The following WNT5A variants were observed in gnomAD, a reference collection of about 807,000 sequenced individuals.
WNT5A encodes Wnt family member 5A.
WNT5A carries 9 observed loss-of-function variants against 42.1 expected under a neutral mutation model. The ratio of observed to expected loss-of-function variants is 0.21; its 90% CI spans 0.13 to 0.37. The LOEUF (loss-of-function observed/expected upper bound fraction) is 0.37, where lower values mean the gene tolerates loss of function less well. Among genes scored for constraint, WNT5A ranks in the 10% least tolerant of loss-of-function variants. The pLI, the probability that WNT5A is intolerant of heterozygous loss-of-function variation, is 1.00. For missense variants in WNT5A, 426 were observed against 534.0 expected, an observed-to-expected ratio of 0.80 and a Z score of 1.99; for synonymous variants, 210 against 210.0, an observed-to-expected ratio of 1.00 and a Z score of 0.00.
At chr3:55,484,050 G>C (rs956896916) in intron 1 of WNT5A, among the ~76,000 whole-genome samples, 2 of 152,136 alleles carry the variant, frequency 1.3e-5, no homozygotes, top group African/African-American at 4.8e-5. Context: ...ATCCCCTTCT[G>C]CTAGACTCTC....
rs779450371 is a variant in WNT5A, at chr3:55,474,312, G to A, written c.684+25C>T. On this transcript the variant is annotated intron_variant, in intron 4 of 4. Transcript: ENST00000264634. ...GCAAGGTGAGAAGACAGAGATGCGG[G>A]GCGGGGGCGAGACGCGGCACTCACC... 4.3e-6 allele frequency: 7 copies of A among 1,612,024 alleles called. No individual in the cohort carries two copies. In the South Asian group the frequency reaches 7.7e-5, roughly 18 times the overall value.
chr3:55,477,203 C>T (rs961768469), intron 3 of WNT5A, among the ~76,000 whole-genome samples: 3 of 152,178 alleles, frequency 2.0e-5, no homozygotes, highest in Non-Finnish European at 1.5e-5. Context: ...AGCTCATTCT[C>T]TTCAAATACA....
chr3:55,482,018 C>G (rs888476223), intron 1 of WNT5A, among the ~76,000 whole-genome samples: 5 of 152,240 alleles, frequency 3.3e-5, no homozygotes, highest in African/African-American at 7.2e-5. Flanking sequence ...GCACTGCGAG[C>G]CTGTCGTTGG....
chr3:55,479,792 T>C (rs1053873634), intron 2 of WNT5A, among the ~76,000 whole-genome samples: 1 of 152,142 alleles, frequency 6.6e-6, no homozygotes, highest in African/African-American at 2.4e-5. Flanking sequence ...CCTCAGTTAG[T>C]ATTTTCACTC....
chr3:55,483,510 C>T lies in WNT5A; in HGVS notation c.7-2592G>A, dbSNP rs1340034502. 6.6e-6 allele frequency among the ~76,000 whole-genome samples: 1 copy of T among 152,196 alleles called. No individual in the cohort carries two copies. Among genetic ancestry groups the T allele is most frequent in the Non-Finnish European group, 1.5e-5 (1 of 68,028 alleles). On this transcript the variant is annotated intron_variant, in intron 1 of 4. Transcript: ENST00000264634. The surrounding 1 kb of genome is among the most constrained non-coding windows in gnomAD (Gnocchi z 4.2). Reference sequence around the variant, plus strand: ...ATGAGACCTCTGGGGAGACTGTCAACCCCAGGGGTAAAACAAAAATTCTGA... The same window carrying T: ...ATGAGACCTCTGGGGAGACTGTCAATCCCAGGGGTAAAACAAAAATTCTGA...
intron 3 of WNT5A, among the ~76,000 whole-genome samples, chr3:55,476,122 A>G (rs940635145): frequency 6.6e-6 from 1 of 152,234 alleles, no homozygotes; most frequent in African/African-American, 2.4e-5. Context: ...AGCTGACAAC[A>G]GGACTCAGTC....
At chr3:55,482,995 G>T (rs544021319) in intron 1 of WNT5A, among the ~76,000 whole-genome samples, 1 of 152,230 alleles carries the variant, frequency 6.6e-6, no homozygotes, top group African/African-American at 2.4e-5. Flanking sequence ...TGCTGGCCGC[G>T]TGCACTTTCC....
Position 55,470,211 on chromosome 3 carries a change from G to A in WNT5A, c.1024C>T (p.Arg342Cys). 1 of 1,614,036 alleles carries A rather than the reference G, an allele frequency of 6.2e-7. No individual in the cohort carries two copies. Among genetic ancestry groups the A allele is most frequent in the Non-Finnish European group, 8.5e-7 (1 of 1,179,948 alleles). The part of the protein sequence containing the change: ...MDGCELMCCG[R>C]GYDQFKTVQT... ...ACGGTCTTGAACTGGTCGTAGCCAC[G>A]GCCGCAGCACATGAGCTCGCAGCCA... is the stretch of plus-strand genomic sequence containing the variant. The change falls in exon 5 of 5, where the codon CGT (arginine) becomes TGT (cysteine). Residue 342 changes from arginine (R) to cysteine (C), a missense_variant. This residue lies in a region of WNT5A where 358 missense variants were observed against 468.1 expected (regional missense o/e 0.76). Coordinates refer to ENST00000264634, the MANE Select transcript of WNT5A (RefSeq NM_003392.7).
At chr3:55,472,542 C>G (rs1278002491) in intron 4 of WNT5A, among the ~76,000 whole-genome samples, 1 of 151,944 alleles carries the variant, frequency 6.6e-6, no homozygotes, top group African/African-American at 2.4e-5. Flanking sequence ...CTGACCCCAC[C>G]CCCCCCAAAT....
chr3:55,479,730 A>G (rs565875967), intron 2 of WNT5A, among the ~76,000 whole-genome samples, 166 bp from the exon 3 acceptor site: 1 of 152,244 alleles, frequency 6.6e-6, no homozygotes, highest in East Asian at 1.9e-4. Context: ...CTCTGTTTAA[A>G]CTGCACTCAG....
At position 55,467,153 on chromosome 3, in the gene WNT5A, C is replaced by A. The variant is rs1369099797; in HGVS notation, c.*2939G>T. 6.6e-6 allele frequency: 1 copy of A among 152,168 alleles called. No homozygotes were observed. The highest frequency in any genetic ancestry group is 2.4e-5 in the African/African-American group (1 of 41,408). The allele number at this position is 152,168 out of a possible 1,614,324, so 9.4% of individuals were successfully genotyped here. A position where few individuals can be genotyped will look rare whatever the true frequency, so the allele number is the denominator to read the frequency against. On this transcript the variant is annotated 3_prime_UTR_variant, in exon 5 of 5. Transcript: ENST00000264634. ...CACCACACATGGTCCACAGTAAATT[C>A]AAATAGAGAGGTGCAATAGTTGCAG...
rs2051499798 is a variant in WNT5A, at chr3:55,483,025, G to A, written c.7-2107C>T. Among the ~76,000 whole-genome samples, 1 of 152,244 alleles carries A rather than the reference G, an allele frequency of 6.6e-6. No homozygotes were observed. Among genetic ancestry groups the A allele is most frequent in the African/African-American group, 2.4e-5 (1 of 41,474 alleles). On this transcript the variant is annotated intron_variant, in intron 1 of 4. Coordinates refer to ENST00000264634, the MANE Select transcript of WNT5A (RefSeq NM_003392.7). The surrounding 1 kb of genome is among the most constrained non-coding windows in gnomAD (Gnocchi z 4.2). The stretch of plus-strand genomic sequence containing the variant: ...CTTTCCAAGCTTCGCGGCGAGCGGG[G>A]CGCGTGGGGCGGGGCTCAAGCAGCA...
At chr3:55,490,787 T>G (rs1192327290), upstream of WNT5A, among the ~76,000 whole-genome samples, 4 of 152,354 alleles carry the variant, frequency 2.6e-5, no homozygotes, top group East Asian at 1.9e-4. Context: ...CTAGGAATAC[T>G]CTTCACTGAA....
In WNT5A at chr3:55,469,367, G is replaced by A. The variant is rs1239857820; in HGVS notation, c.*725C>T. ...GCTTCAAATCAACATCTTGACATAA[G>A]AGTTTTAAATTTTTTAATTTCTGGG... On this transcript the variant is annotated 3_prime_UTR_variant, in exon 5 of 5. Transcript: ENST00000264634. 2.6e-5 allele frequency: 4 copies of A among 152,150 alleles called. No homozygotes were observed. The highest frequency in any genetic ancestry group is 7.2e-5 in the African/African-American group (3 of 41,440). The allele number at this position is 152,150 out of a possible 1,614,324, so 9.4% of individuals were successfully genotyped here.
At chr3:55,489,480 A>T (rs1036585924), upstream of WNT5A, among the ~76,000 whole-genome samples, 13 of 150,402 alleles carry the variant, frequency 8.6e-5, no homozygotes, top group African/African-American at 3.2e-4. Flanking sequence ...GGCTCCAGCG[A>T]TGCCGTTCCA....
intron 1 of WNT5A, among the ~76,000 whole-genome samples, chr3:55,481,830 TC>T (rs965542525): frequency 6.6e-5 from 10 of 151,878 alleles, no homozygotes; most frequent in Non-Finnish European, 1.5e-4. Context: ...GGGTCTCGCT[TC>T]CCCGGGGAGA....
At chr3:55,479,586 A>T in intron 2 of WNT5A, 22 bp from the exon 3 acceptor site, 3 of 1,553,690 alleles carry the variant, frequency 1.9e-6, no homozygotes, top group Non-Finnish European at 8.7e-7. Flanking sequence ...GGAGATGTGC[A>T]TTCAAGATTT....
the WNT5A span, among the ~76,000 whole-genome samples, chr3:55,496,618 T>TC: frequency 6.6e-6 from 1 of 152,152 alleles, no homozygotes; most frequent in Non-Finnish European, 1.5e-5. Context: ...AGCATGATCC[T>TC]CCCCCTGTGG....
chr3:55,480,312 G>A (rs1012872070), intron 2 of WNT5A, among the ~76,000 whole-genome samples: 7 of 152,164 alleles, frequency 4.6e-5, no homozygotes, highest in African/African-American at 9.7e-5. Context: ...TACATTTCAA[G>A]CCCCAATACT....
Sources: gnomAD v4.1 joint callset for allele counts (sites outside exome capture counted in the v4.1 genomes callset) on GRCh38, gnomAD v4.1.1 for gene constraint, gnomAD v4.1.1 regional missense constraint, Gnocchi (gnomAD v3.1) non-coding constraint, MANE v1.5 for transcripts, NCBI Gene and HGNC (gene_info 2026-07-23, HGNC 2026-07-21) for gene names.